SRM: variants seen among roughly 807,000 people sequenced by gnomAD.
The protein encoded by SRM is putrescine aminopropyltransferase.
SRM carries 14 observed loss-of-function variants against 39.3 expected under a neutral mutation model. That is an observed-to-expected ratio of 0.36 (90% CI 0.24 to 0.56). The LOEUF is 0.56. SRM is among the 20% of genes least tolerant of loss of function. The pLI, the probability that SRM is intolerant of heterozygous loss-of-function variation, is 0.86. For synonymous variants in SRM, 195 were observed against 173.1 expected (o/e 1.13, Z -0.99); for missense variants, 244 against 409.2 (o/e 0.60, Z 3.48).
intron 3 of SRM, among the ~76,000 whole-genome samples, chr1:11,057,271 C>CGT (rs1403730493): frequency 6.6e-6 from 1 of 151,890 alleles, no homozygotes; most frequent in Non-Finnish European, 1.5e-5. Context: ...CATCCCTACC[C>CGT]CCTCCTTCCA....
Position 11,055,794 on chromosome 1 carries a change from C to T in SRM, c.752G>A (p.Cys251Tyr). 6.8e-7 allele frequency: 1 copy of T among 1,480,080 alleles called. No homozygotes were observed. Among genetic ancestry groups the T allele is most frequent in the Non-Finnish European group, 9.1e-7 (1 of 1,100,956 alleles). The allele number at this position is 1,480,080 out of a possible 1,614,324, so 91.7% of individuals were successfully genotyped here. A position where few individuals can be genotyped will look rare whatever the true frequency, so the allele number is the denominator to read the frequency against. The part of the protein sequence containing the change: ...YPSGQIGFML[C>Y]SKNPSTNFQE... ...CCCCCATCTCACCGGGTTCTTGCTG[C>T]ACAGCATGAAGCCGATCTGGCCGCT... The change falls in exon 6 of 8, where the codon TGC (cysteine) becomes TAC (tyrosine). Residue 251 changes from cysteine to tyrosine, a missense_variant. Cys to Tyr is a radical substitution (Grantham distance 194, BLOSUM62 -2). Transcript: ENST00000376957.
In SRM at chr1:11,055,094, G is replaced by C. The variant is rs201760198; in HGVS notation, c.766-10C>G. The stretch of plus-strand genomic sequence containing the variant: ...CCTGGAAGTTCGTGCTCTGGGGACC[G>C]GGCCAGGGGCACATCAGGGGGGGCA... On this transcript the variant is annotated splice_polypyrimidine_tract_variant and intron_variant, in intron 6 of 7. Coordinates refer to ENST00000376957, the MANE Select transcript of SRM (RefSeq NM_003132.3). 4.4e-6 allele frequency: 7 copies of C among 1,595,592 alleles called. No homozygotes were observed. The Admixed American group carries it at 7.1e-5, about 16-fold the overall frequency.
At position 11,058,873 on chromosome 1, in the gene SRM, C is replaced by A. The variant is rs1178642994; in HGVS notation, c.308G>T (p.Gly103Val). 6.2e-7 allele frequency: 1 copy of A among 1,610,234 alleles called. No individual in the cohort carries two copies. The highest frequency in any genetic ancestry group is 8.5e-7 in the Non-Finnish European group (1 of 1,179,058). ...NPRKVLIIGG[G>V]DGGVLREVVK... ...CACCTCCCGCAGGACACCTCCATCT[C>A]CGCCCCCGATGATCAGCACCTGGGA... Residue 103 changes from glycine to valine, a missense_variant, in exon 3 of 8, where the codon GGA becomes GTA. Coordinates refer to ENST00000376957, the MANE Select transcript of SRM (RefSeq NM_003132.3).
chr1:11,059,017 C>T, intron 2 of SRM, 125 bp from the exon 3 acceptor site: 1 of 1,297,980 alleles, frequency 7.7e-7, no homozygotes, highest in Non-Finnish European at 1.1e-6. Flanking sequence ...GAAACGCTTT[C>T]GTGCCGGTGT....
Position 11,054,957 on chromosome 1 carries a change from C to T in SRM, c.888+5G>A. ...TCCCACCACCCAGCCCCGCAGGCCA[C>T]CCACCTTGCGGGCAAACTCGGGCAG... On this transcript the variant is annotated splice_donor_5th_base_variant and intron_variant, in intron 7 of 7. Transcript: ENST00000376957. The surrounding 1 kb of genome is among the most constrained non-coding windows in gnomAD (Gnocchi z 4.8). 2 of 1,612,142 alleles carry T rather than the reference C, an allele frequency of 1.2e-6. No individual in the cohort carries two copies. Among genetic ancestry groups the T allele is most frequent in the South Asian group, 1.1e-5 (1 of 91,004 alleles).
intron 5 of SRM, 38 bp downstream of exon 5, chr1:11,055,973 A>T: frequency 7.6e-7 from 1 of 1,318,576 alleles, no homozygotes; most frequent in African/African-American, 1.5e-5. Context: ...GCCCTGCCCC[A>T]CCCCGCCCCG....
rs565034393 is a variant in SRM, at chr1:11,055,213, G to T, written c.766-129C>A. The T allele has an allele frequency of 1.3e-4, 178 of 1,343,778 alleles. 2 individuals are homozygous for T. The African/African-American group carries it at 2.5e-3, about 19-fold the overall frequency. 83.2% of individuals were successfully genotyped at this position (1,343,778 alleles called of 1,614,324 possible). A position where few individuals can be genotyped will look rare whatever the true frequency, so the allele number is the denominator to read the frequency against. ...GCTCACTGCAACCTCTGTCTCCCAG[G>T]TTCAAGTGATTCTCCTGCCTCAGCC... On this transcript the variant is annotated intron_variant, in intron 6 of 7. Coordinates refer to ENST00000376957, the MANE Select transcript of SRM (RefSeq NM_003132.3).
chr1:11,055,674 C>G lies in SRM; in HGVS notation c.765+107G>C, dbSNP rs559298662. 30 of 1,230,372 alleles carry G rather than the reference C, an allele frequency of 2.4e-5. No individual in the cohort carries two copies. In the South Asian group the frequency reaches 4.0e-4, roughly 17 times the overall value. The allele number at this position is 1,230,372 out of a possible 1,614,324, so 76.2% of individuals were successfully genotyped here. ...TTGTGATCTGCCCGCCTCAGCCTCCCAAAGTGCTGGGATTACAGGTGTGAG... is the reference window on the plus strand; with the variant it reads ...TTGTGATCTGCCCGCCTCAGCCTCCGAAAGTGCTGGGATTACAGGTGTGAG... On this transcript the variant is annotated intron_variant, in intron 6 of 7. Coordinates refer to ENST00000376957, the MANE Select transcript of SRM (RefSeq NM_003132.3).
intron 6 of SRM, 78 bp from the exon 7 acceptor site, chr1:11,055,162 C>T (rs181106399): frequency 9.4e-6 from 14 of 1,494,268 alleles, no homozygotes; most frequent in South Asian, 2.7e-5. Flanking sequence ...ACTGTTGCCA[C>T]GCTGGAGTGC....
At chr1:11,059,183 G>A (rs746564723) in intron 2 of SRM, 42 bp downstream of exon 2, 2 of 1,612,076 alleles carry the variant, frequency 1.2e-6, no homozygotes, top group East Asian at 4.5e-5. Context: ...CACACCTGGG[G>A]CCGCCCCTCG....
chr1:11,056,174 G>A (rs1638875574), intron 4 of SRM, 80 bp from the exon 5 acceptor site: 4 of 1,353,480 alleles, frequency 3.0e-6, no homozygotes, highest in Non-Finnish European at 4.0e-6. Flanking sequence ...GCTACCAGGT[G>A]GCCAGAGCCA....
chr1:11,057,381 C>T (rs557453098), intron 3 of SRM, among the ~76,000 whole-genome samples: 64 of 149,838 alleles, frequency 4.3e-4, no homozygotes, highest in African/African-American at 1.5e-3. Flanking sequence ...TGCAGTGGCA[C>T]GATCTCAGCT....
Position 11,059,263 on chromosome 1 carries a change from C to T in SRM, c.250G>A (p.Ala84Thr), listed in dbSNP as rs758384593. 4 of 1,613,466 alleles carry T rather than the reference C, an allele frequency of 2.5e-6. No individual in the cohort carries two copies. The highest frequency in any genetic ancestry group is 3.4e-6 in the Non-Finnish European group (4 of 1,179,980). Residue 84 changes from alanine to threonine, a missense_variant, in exon 2 of 8, where the codon GCC becomes ACC. Ala to Thr is a moderately conservative substitution (Grantham distance 58). Coordinates refer to ENST00000376957, the MANE Select transcript of SRM (RefSeq NM_003132.3). ...RDEFSYQEMI[A>T]NLPLCSHPNP... ...GGGTGGCTGCAGAGAGGCAGGTTGG[C>T]GATCATCTCCTGGTAGGAGAACTCG...
At chr1:11,057,515 C>T (rs543905888) in intron 3 of SRM, among the ~76,000 whole-genome samples, 2 of 150,170 alleles carry the variant, frequency 1.3e-5, no homozygotes, top group African/African-American at 4.9e-5. Context: ...CCCGCCTCAG[C>T]CTCCCAGAGT....
chr1:11,058,500 G>A lies in SRM; in HGVS notation c.381+300C>T, dbSNP rs142186273. On this transcript the variant is annotated intron_variant, in intron 3 of 7. Coordinates refer to ENST00000376957, the MANE Select transcript of SRM (RefSeq NM_003132.3). ...TACTTGAGCCCAGGAGGTGGAGGTT[G>A]CAGTGAGCCGAGATCGCACCATCAC... is the stretch of plus-strand genomic sequence containing the variant. 8.4e-3 allele frequency among the ~76,000 whole-genome samples: 1,271 copies of A among 150,418 alleles called. 15 individuals carry two copies. Among genetic ancestry groups the A allele is most frequent in the African/African-American group, 0.03 (1,206 of 40,702 alleles).
Position 11,054,976 on chromosome 1 carries a change from CGG to C in SRM, c.872_873del (p.Pro291ArgfsTer9), listed in dbSNP as rs1198504462. On this transcript the variant is annotated frameshift_variant, in exon 7 of 8. Coordinates refer to ENST00000376957, the MANE Select transcript of SRM (RefSeq NM_003132.3). LOFTEE classifies it high-confidence loss of function. This position sits in a 1 kb window ranked among gnomAD's most constrained non-coding sequence, Gnocchi z 4.8. ...SDVHRAAFVL[P>X]EFARKALNDV... ...AGGCCACCCACCTTGCGGGCAAACTCGGGCAGCACAAAGGCGGCGCGGTGCAC... is the reference window on the plus strand; with the variant it reads ...AGGCCACCCACCTTGCGGGCAAACTCGCAGCACAAAGGCGGCGCGGTGCAC... 6.2e-7 allele frequency: 1 copy of C among 1,612,412 alleles called. No homozygotes were observed. The highest frequency in any genetic ancestry group is 8.5e-7 in the Non-Finnish European group (1 of 1,179,926).
At chr1:11,055,245 A>G (rs1259838308) in intron 6 of SRM, 161 bp from the exon 7 acceptor site, 2 of 1,046,336 alleles carry the variant, frequency 1.9e-6, no homozygotes, top group Non-Finnish European at 2.6e-6. Context: ...AGCCTCAGGT[A>G]CGCGCCACCA....
chr1:11,057,484 T>TTTTTG, intron 3 of SRM, among the ~76,000 whole-genome samples: 1 of 149,364 alleles, frequency 6.7e-6, no homozygotes, highest in Non-Finnish European at 1.5e-5. Flanking sequence ...TTTTTATTTT[T>TTTTTG]AGTAGAGACC....
intron 6 of SRM, 183 bp from the exon 7 acceptor site, chr1:11,055,267 T>G: frequency 4.8e-6 from 1 of 210,286 alleles, no homozygotes; most frequent in Non-Finnish European, 8.1e-6. Flanking sequence ...GCCCGGCTAA[T>G]TTTTTTTTTT....
Sources: gnomAD v4.1 joint callset for allele counts (sites outside exome capture counted in the v4.1 genomes callset) on GRCh38, gnomAD v4.1.1 for gene constraint, Gnocchi (gnomAD v3.1) non-coding constraint, MANE v1.5 for transcripts, NCBI Gene and HGNC (gene_info 2026-07-23, HGNC 2026-07-21) for gene names.